Variants in IGSF21 observed in about 807,000 individuals in gnomAD.
IGSF21 encodes immunoglobulin superfamily member 21.
A neutral mutation model predicts 46.8 loss-of-function variants in IGSF21; 28 were observed. The observed-to-expected ratio is 0.60, with a 90% CI of 0.44 to 0.82. The LOEUF (loss-of-function observed/expected upper bound fraction) is 0.82. Among genes scored for constraint, IGSF21 ranks in the 40% least tolerant of loss-of-function variants. The pLI, the probability that IGSF21 is intolerant of heterozygous loss-of-function variation, is 0.00. For synonymous variants in IGSF21, 284 were observed against 273.6 expected (o/e 1.04, Z -0.38); for missense variants, 624 against 665.5 (o/e 0.94, Z 0.69).
chr1:18,273,678 A>AT lies in IGSF21; in HGVS notation c.184-18177dup, dbSNP rs34375924. Among the ~76,000 whole-genome samples, 844 of 147,794 alleles carry AT rather than the reference A, an allele frequency of 5.7e-3. 3 individuals are homozygous for AT. Among genetic ancestry groups the AT allele is most frequent in the Non-Finnish European group, 8.1e-3 (538 of 66,798 alleles). ...AGGGTTTGTTCAAAGCCAGGTAAAGATTTTTTTTTTTAATATACTGGGTGA... is the reference window on the plus strand; with the variant it reads ...AGGGTTTGTTCAAAGCCAGGTAAAGATTTTTTTTTTTTAATATACTGGGTGA... On this transcript the variant is annotated intron_variant, in intron 2 of 9. Coordinates refer to ENST00000251296, the MANE Select transcript of IGSF21 (RefSeq NM_032880.5).
intron 5 of IGSF21, 141 bp downstream of exon 5, chr1:18,362,371 T>A (rs2086110586): frequency 1.6e-6 from 1 of 635,508 alleles, no homozygotes; most frequent in Admixed American, 2.5e-5. Flanking sequence ...TGCCTTGGTC[T>A]GATCCCGTTT....
intron 2 of IGSF21, among the ~76,000 whole-genome samples, chr1:18,254,807 G>A (rs1306530938): frequency 1.3e-5 from 2 of 152,166 alleles, no homozygotes; most frequent in Admixed American, 6.5e-5. Flanking sequence ...TAGCCTATAA[G>A]AGCATGGTGA....
intron 1 of IGSF21, among the ~76,000 whole-genome samples, chr1:18,128,139 G>A (rs528498710): frequency 6.6e-6 from 1 of 152,210 alleles, no homozygotes; most frequent in African/African-American, 2.4e-5. Context: ...CCTACTGTGT[G>A]CCTGGGAGGT....
chr1:18,127,738 A>G (rs891979540), intron 1 of IGSF21, among the ~76,000 whole-genome samples: 1 of 152,050 alleles, frequency 6.6e-6, no homozygotes, highest in Non-Finnish European at 1.5e-5. Context: ...CCTCATCTCT[A>G]CCAAACAAAT....
intron 1 of IGSF21, among the ~76,000 whole-genome samples, chr1:18,123,767 A>G (rs940369493): frequency 6.6e-5 from 10 of 152,232 alleles, no homozygotes; most frequent in African/African-American, 2.2e-4. Flanking sequence ...GGCACGTGGG[A>G]GAGTCGGGAG....
chr1:18,200,538 G>A (rs922563705), intron 1 of IGSF21, among the ~76,000 whole-genome samples: 6 of 152,098 alleles, frequency 3.9e-5, no homozygotes, highest in African/African-American at 9.7e-5. Flanking sequence ...GCATCCCTCC[G>A]GTCTCTGCCT....
chr1:18,235,496 G>C (rs146312574), intron 2 of IGSF21, among the ~76,000 whole-genome samples: 1 of 152,186 alleles, frequency 6.6e-6, no homozygotes. Flanking sequence ...AGCTGAGATC[G>C]CAAAGGCAAC....
intron 2 of IGSF21, among the ~76,000 whole-genome samples, chr1:18,242,126 CA>C (rs1557603166): frequency 6.6e-6 from 1 of 152,216 alleles, no homozygotes; most frequent in African/African-American, 2.4e-5. Flanking sequence ...CTGTCAACGT[CA>C]AATGAGGACT....
intron 1 of IGSF21, among the ~76,000 whole-genome samples, chr1:18,131,352 A>G (rs978261182): frequency 6.6e-6 from 1 of 152,178 alleles, no homozygotes; most frequent in African/African-American, 2.4e-5. Flanking sequence ...TCCAGCTAGG[A>G]GCACACTGTC....
chr1:18,229,112 C>G (rs1329245288), intron 2 of IGSF21, among the ~76,000 whole-genome samples: 1 of 151,230 alleles, frequency 6.6e-6, no homozygotes, highest in African/African-American at 2.4e-5. Context: ...TTTGCAAATC[C>G]CTGATCAGAA....
At chr1:18,308,408 G>A (rs2085449079) in intron 3 of IGSF21, among the ~76,000 whole-genome samples, 1 of 152,166 alleles carries the variant, frequency 6.6e-6, no homozygotes, top group South Asian at 2.1e-4. Flanking sequence ...GCCAAGTGCG[G>A]CGGGATGATT....
chr1:18,242,907 C>G (rs1183298410), intron 2 of IGSF21, among the ~76,000 whole-genome samples: 1 of 152,174 alleles, frequency 6.6e-6, no homozygotes, highest in Non-Finnish European at 1.5e-5. Context: ...GTCATGTGAC[C>G]CGCACCCTTG....
intron 3 of IGSF21, among the ~76,000 whole-genome samples, chr1:18,312,959 T>C (rs1344367527): frequency 6.6e-6 from 1 of 152,168 alleles, no homozygotes; most frequent in East Asian, 1.9e-4. Context: ...TTTCTGTGTC[T>C]CTAGTTCCCT....
rs932393889 is a variant in IGSF21, at chr1:18,326,297, G to T, written c.306-8595G>T. ...GCCTCAGGGAAGAAGCAGCCCATCA[G>T]GGATGCATGGCAGGCGCAGAAACAG... On this transcript the variant is annotated intron_variant, in intron 3 of 9. Coordinates refer to ENST00000251296, the MANE Select transcript of IGSF21 (RefSeq NM_032880.5). Among the ~76,000 whole-genome samples the T allele has an allele frequency of 3.9e-5, 6 of 152,312 alleles. No homozygotes were observed. The East Asian group carries it at 1.2e-3, about 29-fold the overall frequency.
At chr1:18,250,592 T>C (rs942629314) in intron 2 of IGSF21, among the ~76,000 whole-genome samples, 2 of 152,144 alleles carry the variant, frequency 1.3e-5, no homozygotes, top group African/African-American at 4.8e-5. Flanking sequence ...TGGCGAAAAT[T>C]ATAAACTAGA....
At chr1:18,286,304 CTTGGTATAG>C (rs1294767869) in intron 2 of IGSF21, among the ~76,000 whole-genome samples, 1 of 152,218 alleles carries the variant, frequency 6.6e-6, no homozygotes, top group Non-Finnish European at 1.5e-5. Flanking sequence ...ACACACGTCT[CTTGGTATAG>C]TTCACTTATT....
At chr1:18,178,074 AGAAAG>A (rs1440498377) in intron 1 of IGSF21, among the ~76,000 whole-genome samples, 10 of 152,134 alleles carry the variant, frequency 6.6e-5, no homozygotes, top group Admixed American at 3.3e-4. Context: ...AGGAAAAAGA[AGAAAG>A]GAAGGCGGGG....
chr1:18,166,383 G>A (rs991920740), intron 1 of IGSF21, among the ~76,000 whole-genome samples: 2 of 152,086 alleles, frequency 1.3e-5, no homozygotes, highest in Non-Finnish European at 1.5e-5. Flanking sequence ...AGGGTGTGAT[G>A]GGCTTTGGAG....
chr1:18,132,249 T>C (rs950360787), intron 1 of IGSF21, among the ~76,000 whole-genome samples: 3 of 152,168 alleles, frequency 2.0e-5, no homozygotes, highest in Non-Finnish European at 4.4e-5. Context: ...CTATGACCTA[T>C]GACCTATGAC....
Sources: gnomAD v4.1 joint callset for allele counts (sites outside exome capture counted in the v4.1 genomes callset) on GRCh38, gnomAD v4.1.1 for gene constraint, MANE v1.5 for transcripts, NCBI Gene and HGNC (gene_info 2026-07-23, HGNC 2026-07-21) for gene names.